The following PRKCE variants were observed in gnomAD, a reference collection of about 807,000 sequenced individuals.
PRKCE encodes the protein protein kinase C epsilon.
In PRKCE, 16 loss-of-function variants were observed where a neutral mutation model predicts 85.4. The ratio of observed to expected loss-of-function variants is 0.19; its 90% CI spans 0.13 to 0.28. The LOEUF (loss-of-function observed/expected upper bound fraction) is 0.28. Among genes scored for constraint, PRKCE ranks in the 10% least tolerant of loss-of-function variants. The probability of loss-of-function intolerance (pLI) is 1.00; values close to 1 mark genes in which losing one functional copy is unlikely to be tolerated. For missense variants in PRKCE, 573 were observed against 975.2 expected, an observed-to-expected ratio of 0.59 and a Z score of 5.49; for synonymous variants, 388 against 371.5, an observed-to-expected ratio of 1.04 and a Z score of -0.51.
chr2:45,952,372 TTCTC>T (rs140726852), intron 2 of PRKCE, among the ~76,000 whole-genome samples: 1 of 152,088 alleles, frequency 6.6e-6, no homozygotes, highest in East Asian at 1.9e-4. Context: ...GCTGTTCTTG[TTCTC>T]TCTCTCTCAT....
intron 1 of PRKCE, among the ~76,000 whole-genome samples, chr2:45,671,997 A>C (rs1033608881): frequency 6.6e-6 from 1 of 151,600 alleles, no homozygotes; most frequent in African/African-American, 2.4e-5. Flanking sequence ...TAAAAGGTCA[A>C]AGGTACAATG....
intron 1 of PRKCE, among the ~76,000 whole-genome samples, chr2:45,696,894 T>C (rs895800066): frequency 1.3e-5 from 2 of 152,134 alleles, no homozygotes; most frequent in African/African-American, 4.8e-5. Flanking sequence ...ACTGTGTTGA[T>C]CATGTGACTG....
rs1478027761 is a variant in PRKCE at position 45,884,980 on chromosome 2, TATATATATATA to T, written c.412+41918_412+41928del. ...ATATATATATATATATATATATATA[TATATATATATA>T]TATATATATATTTGTTGTTGTTGTT... On this transcript the variant is annotated intron_variant, in intron 2 of 14. Coordinates refer to ENST00000306156, the MANE Select transcript of PRKCE (RefSeq NM_005400.3). 5.6e-3 allele frequency among the ~76,000 whole-genome samples: 373 copies of T among 66,506 alleles called. 28 individuals carry two copies. The East Asian group carries it at 0.14, about 25-fold the overall frequency. The allele number at this position is 66,506 out of a possible 152,430, so 43.6% of individuals were successfully genotyped here. A position where few individuals can be genotyped will look rare whatever the true frequency, so the allele number is the denominator to read the frequency against.
intron 1 of PRKCE, among the ~76,000 whole-genome samples, chr2:45,808,024 G>T (rs1440127881): frequency 2.6e-5 from 4 of 151,956 alleles, no homozygotes; most frequent in African/African-American, 4.8e-5. Flanking sequence ...ATCCTCCAAG[G>T]CTGCCCACAG....
At chr2:45,904,362 G>A (rs1354547607) in intron 2 of PRKCE, among the ~76,000 whole-genome samples, 1 of 152,030 alleles carries the variant, frequency 6.6e-6, no homozygotes, top group Non-Finnish European at 1.5e-5. Flanking sequence ...GGGGTGGCAC[G>A]TGCCCATCCA....
intron 10 of PRKCE, among the ~76,000 whole-genome samples, chr2:46,038,185 A>G (rs1417565992): frequency 6.6e-6 from 1 of 151,986 alleles, no homozygotes; most frequent in African/African-American, 2.4e-5. Context: ...AATTTTAAGG[A>G]AAAAAAATCA....
intron 1 of PRKCE, among the ~76,000 whole-genome samples, chr2:45,737,913 C>A (rs10865205): frequency 0.35 from 52,589 of 151,822 alleles, 9,715 homozygotes; most frequent in Admixed American, 0.42. Flanking sequence ...AACCTTAGCA[C>A]CCCTTCCTGA....
At chr2:45,761,803 T>C (rs1021679956) in intron 1 of PRKCE, among the ~76,000 whole-genome samples, 3 of 152,220 alleles carry the variant, frequency 2.0e-5, no homozygotes, top group African/African-American at 7.2e-5. Flanking sequence ...TGCCATATTC[T>C]GATCCCTGAG....
rs1164958372 is a variant in PRKCE, at chr2:46,187,858, A to C, written c.*2977A>C. 1 of 144,034 alleles carries C rather than the reference A, an allele frequency of 6.9e-6. No individual in the cohort carries two copies. Among genetic ancestry groups the C allele is most frequent in the Non-Finnish European group, 1.5e-5 (1 of 65,692 alleles). 8.9% of individuals were successfully genotyped at this position (144,034 alleles called of 1,614,324 possible). On this transcript the variant is annotated 3_prime_UTR_variant, in exon 15 of 15. Transcript: ENST00000306156. ...ATTTGTACATTTTTTTCCTTTCTGG[A>C]TGTAATTTTAATCTCTTGCCATTCA... is the stretch of plus-strand genomic sequence containing the variant.
chr2:46,055,192 A>G lies in PRKCE; in HGVS notation c.1438-31016A>G, dbSNP rs140129387. On this transcript the variant is annotated intron_variant, in intron 10 of 14. Transcript: ENST00000306156. ...GGCAAAACTAAAAGGACACTATTAT[A>G]CTGCTTCTGGGGCTTCAGGGATCAC... 1.5e-3 allele frequency among the ~76,000 whole-genome samples: 234 copies of G among 152,308 alleles called. 1 individual carries two copies. The highest frequency in any genetic ancestry group is 5.5e-3 in the African/African-American group (229 of 41,562).
At chr2:46,057,579 C>T (rs1219564108) in intron 10 of PRKCE, among the ~76,000 whole-genome samples, 3 of 151,942 alleles carry the variant, frequency 2.0e-5, no homozygotes, top group African/African-American at 2.4e-5. Context: ...GGATTACAGG[C>T]GCCACCACCA....
intron 1 of PRKCE, among the ~76,000 whole-genome samples, chr2:45,770,465 G>A (rs1054101626): frequency 6.6e-6 from 1 of 151,994 alleles, no homozygotes; most frequent in African/African-American, 2.4e-5. Flanking sequence ...GCGTCCCTTC[G>A]GCCACTTGTG....
chr2:45,875,780 C>G (rs1305876601), intron 2 of PRKCE, among the ~76,000 whole-genome samples: 1 of 152,212 alleles, frequency 6.6e-6, no homozygotes, highest in Non-Finnish European at 1.5e-5. Context: ...TCCAGCAGTG[C>G]TTGGGTGGTT....
chr2:46,135,345 T>C (rs533544615), intron 11 of PRKCE, among the ~76,000 whole-genome samples: 84 of 152,268 alleles, frequency 5.5e-4, no homozygotes, highest in African/African-American at 1.9e-3. Context: ...AACAACACAG[T>C]GAAGTGATTC....
chr2:45,971,202 C>A (rs982556184), intron 2 of PRKCE, among the ~76,000 whole-genome samples: 2 of 152,142 alleles, frequency 1.3e-5, no homozygotes, highest in African/African-American at 4.8e-5. Flanking sequence ...TGGCCACCAC[C>A]ATTCTGCTCT....
intron 2 of PRKCE, among the ~76,000 whole-genome samples, chr2:45,913,901 G>C (rs1697561702): frequency 1.3e-5 from 2 of 152,182 alleles, no homozygotes. Context: ...GCCCAAACTG[G>C]AGTGTCTGTT....
At chr2:46,043,491 G>A (rs1182270831) in intron 10 of PRKCE, among the ~76,000 whole-genome samples, 2 of 152,110 alleles carry the variant, frequency 1.3e-5, no homozygotes, top group Non-Finnish European at 2.9e-5. Flanking sequence ...ACTTACAAGA[G>A]CAGTATTATA....
At chr2:45,668,241 T>G (rs1437669654) in intron 1 of PRKCE, among the ~76,000 whole-genome samples, 1 of 152,166 alleles carries the variant, frequency 6.6e-6, no homozygotes, top group East Asian at 1.9e-4. Context: ...CTCAGGAGGC[T>G]GAGGCAGGAG....
chr2:46,078,370 C>CT (rs1432187983), intron 10 of PRKCE: 44 of 112,914 alleles, frequency 3.9e-4, no homozygotes, highest in Admixed American at 3.2e-3. Context: ...ACTCTTGTCT[C>CT]TAAAAAAAAA....
Sources: gnomAD v4.1 joint callset for allele counts (sites outside exome capture counted in the v4.1 genomes callset) on GRCh38, gnomAD v4.1.1 for gene constraint, MANE v1.5 for transcripts, NCBI Gene and HGNC (gene_info 2026-07-23, HGNC 2026-07-21) for gene names.